The following NLGN1 variants were observed in gnomAD, a reference collection of about 807,000 sequenced individuals.
NLGN1 encodes the protein neuroligin 1.
A neutral mutation model predicts 65.5 loss-of-function variants in NLGN1; 12 were observed. The observed-to-expected ratio is 0.18, with a 90% CI of 0.12 to 0.30. NLGN1 has a LOEUF of 0.30. NLGN1 is among the 10% of genes least tolerant of loss of function. NLGN1 has a pLI of 1.00. For missense variants in NLGN1, 750 were observed against 1,007.1 expected (o/e 0.74, Z 3.46); for synonymous variants, 350 against 359.5 (o/e 0.97, Z 0.30).
At position 173,788,648 on chromosome 3, in the gene NLGN1, G is replaced by A. The variant is rs565133107; in HGVS notation, c.494-19032G>A. 6.8e-4 allele frequency among the ~76,000 whole-genome samples: 103 copies of A among 151,866 alleles called. 1 individual carries two copies. The South Asian group carries it at 0.021, about 31-fold the overall frequency. ...ACAGCAGGTAGAGTGGTGGAGTCAG[G>A]AAACAAAATCAAGAAATCTTACTCC... On this transcript the variant is annotated intron_variant, in intron 3 of 6. Transcript: ENST00000457714.
intron 4 of NLGN1, among the ~76,000 whole-genome samples, chr3:174,018,686 G>A (rs918832381): frequency 6.6e-6 from 1 of 152,110 alleles, no homozygotes; most frequent in African/African-American, 2.4e-5. Context: ...ACACAAGGGT[G>A]CTGCCTTCAG....
At chr3:173,704,657 T>C (rs1400821680) in intron 3 of NLGN1, among the ~76,000 whole-genome samples, 1 of 152,220 alleles carries the variant, frequency 6.6e-6, no homozygotes, top group Admixed American at 6.5e-5. Context: ...CTACTTGCCT[T>C]CTTCATGACA....
In NLGN1 at chr3:174,095,935, G is replaced by T. The variant is rs138722133; in HGVS notation, c.647-179380G>T. ...GAATAGCTTGAACCCAGGAGGCAGA[G>T]GTTGCAGTGAGCCAAGATCGCGCCA... is the stretch of plus-strand genomic sequence containing the variant. On this transcript the variant is annotated intron_variant, in intron 4 of 6. Transcript: ENST00000457714. 3.9e-3 allele frequency among the ~76,000 whole-genome samples: 597 copies of T among 152,158 alleles called. 3 individuals are homozygous for T. Among genetic ancestry groups the T allele is most frequent in the African/African-American group, 0.014 (569 of 41,534 alleles).
intron 4 of NLGN1, among the ~76,000 whole-genome samples, chr3:173,978,718 G>A (rs561840047): frequency 2.6e-5 from 4 of 151,526 alleles, no homozygotes; most frequent in Admixed American, 6.6e-5. Context: ...AAATGAGGCC[G>A]GGCATGGTGG....
intron 4 of NLGN1, among the ~76,000 whole-genome samples, chr3:173,961,921 C>T (rs540450229): frequency 1.1e-4 from 17 of 152,118 alleles, no homozygotes; most frequent in African/African-American, 3.9e-4. Context: ...ACTAATTTGT[C>T]CCCCATGGGT....
chr3:173,869,584 G>T (rs1020095342), intron 4 of NLGN1, among the ~76,000 whole-genome samples: 1 of 152,080 alleles, frequency 6.6e-6, no homozygotes, highest in Non-Finnish European at 1.5e-5. Context: ...TAAGAAATGG[G>T]TGAAAATATC....
At chr3:174,209,797 TA>T (rs1421760643) in intron 4 of NLGN1, among the ~76,000 whole-genome samples, 5 of 151,798 alleles carry the variant, frequency 3.3e-5, no homozygotes, top group Non-Finnish European at 5.9e-5. Context: ...CACATCCGGC[TA>T]ATTTTTGTAT....
At chr3:174,286,940 A>G (rs1369520086), downstream of NLGN1, among the ~76,000 whole-genome samples, 5 of 151,530 alleles carry the variant, frequency 3.3e-5, no homozygotes, top group Admixed American at 6.6e-5. Context: ...GAGAACAAAA[A>G]GGAAGAAAAA....
At chr3:173,951,310 C>G (rs1359651142) in intron 4 of NLGN1, among the ~76,000 whole-genome samples, 1 of 152,172 alleles carries the variant, frequency 6.6e-6, no homozygotes, top group Non-Finnish European at 1.5e-5. Flanking sequence ...CATATGTCAT[C>G]TGATAAAATC....
chr3:174,149,856 GA>G (rs1258585891), intron 4 of NLGN1, among the ~76,000 whole-genome samples: 2 of 151,936 alleles, frequency 1.3e-5, no homozygotes, highest in Middle Eastern at 3.4e-3. Context: ...ATAACTAGGT[GA>G]AAAAAAGGAA....
intron 4 of NLGN1, among the ~76,000 whole-genome samples, chr3:174,214,100 A>T (rs746371567): frequency 3.3e-5 from 5 of 152,130 alleles, no homozygotes; most frequent in Non-Finnish European, 7.4e-5. Flanking sequence ...TATTAGCTGT[A>T]GTTTTGTATA....
chr3:174,119,226 T>C (rs1454772514), intron 4 of NLGN1, among the ~76,000 whole-genome samples: 3 of 152,170 alleles, frequency 2.0e-5, no homozygotes, highest in Admixed American at 6.5e-5. Flanking sequence ...TAGAGTTTTG[T>C]ATGTGAATTT....
At chr3:173,546,007 T>C (rs572555907) in intron 2 of NLGN1, among the ~76,000 whole-genome samples, 1 of 152,202 alleles carries the variant, frequency 6.6e-6, no homozygotes, top group Admixed American at 6.5e-5. Context: ...GATGGGTTGA[T>C]AGGTGCAGCA....
intron 4 of NLGN1, among the ~76,000 whole-genome samples, chr3:174,021,999 G>T (rs1241523399): frequency 6.6e-6 from 1 of 152,066 alleles, no homozygotes; most frequent in Admixed American, 6.6e-5. Context: ...TGAGAAGAGG[G>T]TTCAGTTGTG....
chr3:173,591,712 A>C (rs1748515655), intron 2 of NLGN1, among the ~76,000 whole-genome samples: 1 of 152,192 alleles, frequency 6.6e-6, no homozygotes, highest in Non-Finnish European at 1.5e-5. Flanking sequence ...TTAATTAAGC[A>C]GGGAACCAGG....
At chr3:173,686,555 A>G (rs1764708047) in intron 3 of NLGN1, among the ~76,000 whole-genome samples, 1 of 152,098 alleles carries the variant, frequency 6.6e-6, no homozygotes, top group Non-Finnish European at 1.5e-5. Flanking sequence ...TGTCATTACT[A>G]TGTAAATGTT....
chr3:173,766,045 C>G (rs1206182566), intron 3 of NLGN1, among the ~76,000 whole-genome samples: 1 of 151,190 alleles, frequency 6.6e-6, no homozygotes. Context: ...GATGCATGCA[C>G]AGATGCACGA....
intron 4 of NLGN1, among the ~76,000 whole-genome samples, chr3:173,975,770 C>T (rs983429803): frequency 6.6e-6 from 1 of 151,964 alleles, no homozygotes; most frequent in Admixed American, 6.6e-5. Context: ...TCTTGCCCCA[C>T]TCATTGCCCT....
intron 4 of NLGN1, among the ~76,000 whole-genome samples, chr3:174,251,887 C>A (rs1220649089): frequency 4.6e-5 from 7 of 152,022 alleles, no homozygotes; most frequent in Non-Finnish European, 1.0e-4. Context: ...CAGATGTTTT[C>A]CATCTTTTCT....
Sources: allele counts gnomAD v4.1 joint callset (sites outside exome capture counted in the v4.1 genomes callset), GRCh38; gene constraint gnomAD v4.1.1; transcripts MANE v1.5; gene names NCBI Gene and HGNC (gene_info 2026-07-23, HGNC 2026-07-21).